The following WDR91 variants were observed in gnomAD, a reference collection of about 807,000 sequenced individuals.
WDR91 encodes the protein WD repeat domain 91.
In WDR91, 52 loss-of-function variants were observed where a neutral mutation model predicts 88.4. The ratio of observed to expected loss-of-function variants is 0.59; its 90% CI spans 0.47 to 0.74. The LOEUF (loss-of-function observed/expected upper bound fraction) is 0.74, where lower values mean the gene tolerates loss of function less well. Ranked by LOEUF, WDR91 falls within the 30% of genes least tolerant of loss-of-function variation. WDR91 has a pLI of 0.00. For missense variants in WDR91, 824 were observed against 954.5 expected, an observed-to-expected ratio of 0.86 and a Z score of 1.80; for synonymous variants, 362 against 389.5, an observed-to-expected ratio of 0.93 and a Z score of 0.83.
In WDR91 at chr7:135,208,810, G is replaced by C; in HGVS notation, c.492C>G (p.Ser164Arg). 3 of 1,610,266 alleles carry C rather than the reference G, an allele frequency of 1.9e-6. No individual in the cohort carries two copies. Among genetic ancestry groups the C allele is most frequent in the Non-Finnish European group, 2.5e-6 (3 of 1,177,572 alleles). Reference protein sequence around the residue: ...TFIVSLHNFLSVLFQCMPVPV... With the variant: ...TFIVSLHNFLRVLFQCMPVPV... ...GGATATGCATGCACTGAAACAGGAC[G>C]CTCAGGAAGTTGTGCAGGGACACAA... Residue 164 changes from serine (S) to arginine (R), a missense_variant, in exon 3 of 15, where the codon AGC (serine) becomes AGG (arginine). Transcript: ENST00000354475.
chr7:135,206,735 T>C (rs968140246), intron 4 of WDR91, among the ~76,000 whole-genome samples: 9 of 151,334 alleles, frequency 5.9e-5, no homozygotes, highest in Non-Finnish European at 1.0e-4. Flanking sequence ...ATATAGTTTA[T>C]ATATATACAT....
At chr7:135,204,580 G>T in intron 5 of WDR91, 147 bp from the exon 6 acceptor site, 1 of 822,758 alleles carries the variant, frequency 1.2e-6, no homozygotes, top group Non-Finnish European at 1.8e-6. Flanking sequence ...TATTATCCTT[G>T]GCATCATTTT....
At chr7:135,192,688 G>T (rs538461816) in intron 11 of WDR91, among the ~76,000 whole-genome samples, 51 of 152,354 alleles carry the variant, frequency 3.3e-4, no homozygotes, top group African/African-American at 1.2e-3. Flanking sequence ...AAGGCCATAT[G>T]ACTTGTAAGC....
chr7:135,208,856 C>A lies in WDR91; in HGVS notation c.446G>T (p.Arg149Leu), dbSNP rs759580172. 2 of 1,614,078 alleles carry A rather than the reference C, an allele frequency of 1.2e-6. No individual in the cohort carries two copies. The highest frequency in any genetic ancestry group is 1.1e-5 in the South Asian group (1 of 91,064). Reference protein sequence around the residue: ...TNPTFATYFSRQWADTFIVSL... With the variant: ...TNPTFATYFSLQWADTFIVSL... ...CACAATGAAGGTGTCAGCCCACTGTCGAGAAAAGTAGGTAGCAAAGGTGGG... is the reference window on the plus strand; with the variant it reads ...CACAATGAAGGTGTCAGCCCACTGTAGAGAAAAGTAGGTAGCAAAGGTGGG... The change falls in exon 3 of 15, where the codon CGA becomes CTA. Residue 149 changes from arginine to leucine, a missense_variant. Arg to Leu is a moderately radical substitution (Grantham distance 102). Transcript: ENST00000354475.
chr7:135,193,161 C>A, intron 11 of WDR91, 70 bp downstream of exon 11: 3 of 1,551,212 alleles, frequency 1.9e-6, no homozygotes, highest in Non-Finnish European at 1.7e-6. Flanking sequence ...AGGGAAGAGG[C>A]TCTTCAGAAA....
intron 4 of WDR91, among the ~76,000 whole-genome samples, chr7:135,206,723 A>G (rs1037640337): frequency 2.0e-5 from 3 of 151,530 alleles, no homozygotes; most frequent in South Asian, 2.1e-4. Context: ...GTGTGTGTGT[A>G]TATATAGTTT....
At position 135,193,456 on chromosome 7, in the gene WDR91, A is replaced by G; in HGVS notation, c.1491-57T>C. ...CTGCCTGCCCACAGAGGGAGGGTGC[A>G]CTTTGGTCCTGAGGCTGGATCCTGC... On this transcript the variant is annotated intron_variant, in intron 10 of 14. Transcript: ENST00000354475. 8 of 1,610,550 alleles carry G rather than the reference A, an allele frequency of 5.0e-6. No individual in the cohort carries two copies. The South Asian group carries it at 7.7e-5, about 16-fold the overall frequency.
Position 135,184,040 on chromosome 7 carries a change from A to C in WDR91, c.*2111T>G, listed in dbSNP as rs1393577479. On this transcript the variant is annotated 3_prime_UTR_variant, in exon 15 of 15. Coordinates refer to ENST00000354475, the MANE Select transcript of WDR91 (RefSeq NM_014149.4). ...GTTAATACCATTCTCACTCCAATGA[A>C]ACCCATGACCACTTTTTAAATGTCC... is the stretch of plus-strand genomic sequence containing the variant. 6.6e-6 allele frequency: 1 copy of C among 152,196 alleles called. No homozygotes were observed. The highest frequency in any genetic ancestry group is 1.5e-5 in the Non-Finnish European group (1 of 68,042). 9.4% of individuals were successfully genotyped at this position (152,196 alleles called of 1,614,324 possible). A position where few individuals can be genotyped will look rare whatever the true frequency, so the allele number is the denominator to read the frequency against.
intron 14 of WDR91, 50 bp downstream of exon 14, chr7:135,186,922 A>C (rs553676736): frequency 1.2e-6 from 2 of 1,606,020 alleles, no homozygotes; most frequent in South Asian, 1.1e-5. Context: ...CCAGGGAGGA[A>C]CCCCTGCCCA....
chr7:135,203,929 A>G (rs1831664712), intron 6 of WDR91, among the ~76,000 whole-genome samples: 1 of 152,188 alleles, frequency 6.6e-6, no homozygotes, highest in African/African-American at 2.4e-5. Flanking sequence ...CACAAGATCT[A>G]CCCAGCAATC....
chr7:135,195,258 T>C (rs1017832869), intron 8 of WDR91, among the ~76,000 whole-genome samples, 174 bp from the exon 9 acceptor site: 1 of 152,272 alleles, frequency 6.6e-6, no homozygotes, highest in African/African-American at 2.4e-5. Flanking sequence ...ATTCATTCGT[T>C]TGTCTAAGAA....
intron 3 of WDR91, 63 bp from the exon 4 acceptor site, chr7:135,207,265 A>G: frequency 7.2e-6 from 10 of 1,392,450 alleles, no homozygotes; most frequent in Non-Finnish European, 1.0e-5. Flanking sequence ...CAAACCCTTG[A>G]CACACCAGTA....
At chr7:135,203,159 G>A (rs542880892) in intron 6 of WDR91, among the ~76,000 whole-genome samples, 40 of 152,310 alleles carry the variant, frequency 2.6e-4, no homozygotes, top group Admixed American at 8.5e-4. Flanking sequence ...TAAGGTGCCT[G>A]GCCCCAAAGC....
Position 135,202,925 on chromosome 7 carries a change from G to A in WDR91, c.891+1343C>T, listed in dbSNP as rs1388530299. Among the ~76,000 whole-genome samples the A allele has an allele frequency of 3.3e-5, 5 of 152,132 alleles. No individual in the cohort carries two copies. In the East Asian group the frequency reaches 9.6e-4, roughly 29 times the overall value. On this transcript the variant is annotated intron_variant, in intron 6 of 14. Coordinates refer to ENST00000354475, the MANE Select transcript of WDR91 (RefSeq NM_014149.4). ...GTTTTTTTGCATTAACGGCACTTTA[G>A]GTCTCAGAACTAACTCAGGTACCCA... is the stretch of plus-strand genomic sequence containing the variant.
chr7:135,204,779 G>T (rs1051588161), intron 5 of WDR91, among the ~76,000 whole-genome samples: 1 of 152,164 alleles, frequency 6.6e-6, no homozygotes, highest in Non-Finnish European at 1.5e-5. Context: ...GGAATTCAAA[G>T]ACTTGGCATG....
At chr7:135,198,778 A>G (rs951831853) in intron 6 of WDR91, 2 of 152,286 alleles carry the variant, frequency 1.3e-5, no homozygotes, top group African/African-American at 4.8e-5. Context: ...GCTCCTTTTC[A>G]TAACAACAGT....
chr7:135,192,823 T>G (rs1337920406), intron 11 of WDR91, among the ~76,000 whole-genome samples: 1 of 152,194 alleles, frequency 6.6e-6, no homozygotes, highest in Middle Eastern at 3.2e-3. Flanking sequence ...GAAGGGGTCC[T>G]TGGCTCTGAG....
chr7:135,203,266 A>G (rs1399367053), intron 6 of WDR91, among the ~76,000 whole-genome samples: 1 of 152,032 alleles, frequency 6.6e-6, no homozygotes, highest in Non-Finnish European at 1.5e-5. Flanking sequence ...GCAGACCCCT[A>G]CCTCCCTGGG....
At position 135,196,055 on chromosome 7, in the gene WDR91, C is replaced by T. The variant is rs1831353052; in HGVS notation, c.1244+89G>A. 3 of 1,316,182 alleles carry T rather than the reference C, an allele frequency of 2.3e-6. No homozygotes were observed. Among genetic ancestry groups the T allele is most frequent in the Non-Finnish European group, 3.0e-6 (3 of 983,654 alleles). The allele number at this position is 1,316,182 out of a possible 1,614,324, so 81.5% of individuals were successfully genotyped here. ...TGTGGCCCTCGTCCAAGCCCCCATT[C>T]TCCGCCATCTCCTGCTGGCCACACC... On this transcript the variant is annotated intron_variant, in intron 8 of 14. Transcript: ENST00000354475. This position sits in a 1 kb window ranked among gnomAD's most constrained non-coding sequence, Gnocchi z 4.2.
Sources: gnomAD v4.1 joint callset for allele counts (sites outside exome capture counted in the v4.1 genomes callset) on GRCh38, gnomAD v4.1.1 for gene constraint, Gnocchi (gnomAD v3.1) non-coding constraint, MANE v1.5 for transcripts, NCBI Gene and HGNC (gene_info 2026-07-23, HGNC 2026-07-21) for gene names.